ACTR3C: variants seen among roughly 807,000 people sequenced by gnomAD.
The protein encoded by ACTR3C is actin-related protein 3C.
A neutral mutation model predicts 26.3 loss-of-function variants in ACTR3C; 18 were observed. That is an observed-to-expected ratio of 0.68 (90% CI 0.47 to 1.01). The LOEUF (loss-of-function observed/expected upper bound fraction) is 1.01. Ranked by LOEUF, ACTR3C falls within the 50% of genes least tolerant of loss-of-function variation. The pLI is 0.00. For missense variants in ACTR3C, 184 were observed against 250.7 expected (o/e 0.73, Z 1.80); for synonymous variants, 55 against 94.5 (o/e 0.58, Z 2.42).
chr7:150,042,023 A>C, the ACTR3C span, among the ~76,000 whole-genome samples: 1 of 119,696 alleles, frequency 8.4e-6, no homozygotes, highest in Non-Finnish European at 1.8e-5. Context: ...GTGGGTCCTA[A>C]GGATCTTAGG....
chr7:150,140,454 G>A, the ACTR3C span, among the ~76,000 whole-genome samples: 2 of 152,194 alleles, frequency 1.3e-5, no homozygotes, highest in Non-Finnish European at 2.9e-5. Context: ...ATAGCATGAC[G>A]TGCCACAGAG....
At chr7:150,063,568 A>G in the ACTR3C span, among the ~76,000 whole-genome samples, 3 of 151,586 alleles carry the variant, frequency 2.0e-5, 1 homozygote, top group African/African-American at 4.9e-5. Context: ...TATAATTAAC[A>G]TGACTTTCAC....
At chr7:150,279,294 G>A (rs1835127891) in intron 6 of ACTR3C, among the ~76,000 whole-genome samples, 1 of 152,158 alleles carries the variant, frequency 6.6e-6, no homozygotes, top group Non-Finnish European at 1.5e-5. Flanking sequence ...AACAGAGCAA[G>A]GCTCTGTCTC....
downstream of ACTR3C, chr7:150,246,040 C>T (rs1421177004): frequency 1.3e-5 from 2 of 152,126 alleles, no homozygotes; most frequent in Non-Finnish European, 2.9e-5. Context: ...TCTTTGAATG[C>T]TTGACTGTGG....
At chr7:150,180,511 C>CTTTTTTTTT in the ACTR3C span, among the ~76,000 whole-genome samples, 1 of 125,772 alleles carries the variant, frequency 8.0e-6, no homozygotes, top group African/African-American at 3.5e-5. Flanking sequence ...AGTAGTATAT[C>CTTTTTTTTT]TTTTTTTTTT....
chr7:150,198,801 G>C, the ACTR3C span, among the ~76,000 whole-genome samples: 60 of 134,072 alleles, frequency 4.5e-4, no homozygotes, highest in Non-Finnish European at 7.0e-4. Context: ...CCGGGAGGGA[G>C]GTGGGGGGGT....
the ACTR3C span, among the ~76,000 whole-genome samples, chr7:149,940,105 A>G: frequency 1.3e-5 from 2 of 151,734 alleles, no homozygotes; most frequent in African/African-American, 4.8e-5. Flanking sequence ...TAATATAGAC[A>G]CAATTCTTCA....
chr7:150,216,348 C>G, the ACTR3C span, among the ~76,000 whole-genome samples: 1 of 152,038 alleles, frequency 6.6e-6, no homozygotes, highest in African/African-American at 2.4e-5. Flanking sequence ...ACATTATATT[C>G]CCCTTTTCCA....
At chr7:150,009,178 C>T in the ACTR3C span, among the ~76,000 whole-genome samples, 10 of 152,344 alleles carry the variant, frequency 6.6e-5, no homozygotes, top group African/African-American at 2.2e-4. Flanking sequence ...TGGTTGTTTC[C>T]GTTTCAGCCA....
At chr7:149,907,478 T>TCTCTTCTCTCTCTC in the ACTR3C span, among the ~76,000 whole-genome samples, 3 of 97,688 alleles carry the variant, frequency 3.1e-5, no homozygotes, top group South Asian at 9.2e-4. Flanking sequence ...CTCTCTTCTC[T>TCTCTTCTCTCTCTC]TCTCTCTCTC....
chr7:150,034,682 G>C, the ACTR3C span, among the ~76,000 whole-genome samples: 1 of 134,860 alleles, frequency 7.4e-6, no homozygotes, highest in Admixed American at 7.5e-5. Flanking sequence ...ACCTGCCGTC[G>C]GAAGATTTGA....
chr7:150,165,254 CTGTT>C, the ACTR3C span, among the ~76,000 whole-genome samples: 1 of 152,078 alleles, frequency 6.6e-6, no homozygotes, highest in South Asian at 2.1e-4. Flanking sequence ...ATTTTCCCCT[CTGTT>C]TGAGACATGA....
chr7:150,032,235 T>C, the ACTR3C span, among the ~76,000 whole-genome samples: 3 of 152,060 alleles, frequency 2.0e-5, no homozygotes, highest in South Asian at 6.2e-4. Context: ...TTGAGACAGG[T>C]AGATGAGGTT....
At chr7:149,990,011 G>A in the ACTR3C span, among the ~76,000 whole-genome samples, 481 of 152,158 alleles carry the variant, frequency 3.2e-3, 1 homozygote, top group Non-Finnish European at 5.5e-3. Context: ...AGCACTCGGC[G>A]TCAGTGCGTT....
At chr7:150,033,828 G>GCAC in the ACTR3C span, among the ~76,000 whole-genome samples, 6 of 151,018 alleles carry the variant, frequency 4.0e-5, no homozygotes, top group East Asian at 8.0e-4. Context: ...CTCAGTCCCT[G>GCAC]CCTCGTGGGG....
At chr7:149,899,192 C>A in the ACTR3C span, among the ~76,000 whole-genome samples, 1 of 151,846 alleles carries the variant, frequency 6.6e-6, no homozygotes, top group Admixed American at 6.6e-5. Context: ...TAGGTTTCCA[C>A]TTTAAAACTC....
the ACTR3C span, among the ~76,000 whole-genome samples, chr7:150,066,453 T>A: frequency 7.2e-5 from 11 of 152,272 alleles, no homozygotes; most frequent in Non-Finnish European, 1.5e-4. Flanking sequence ...CTAGCAGTAG[T>A]ATCTTTCTTG....
chr7:149,988,904 G>T, the ACTR3C span, among the ~76,000 whole-genome samples: 4 of 152,352 alleles, frequency 2.6e-5, no homozygotes, highest in South Asian at 2.1e-4. Context: ...AGATTTCAAA[G>T]CAACGAAAAT....
chr7:150,166,878 C>T, the ACTR3C span, among the ~76,000 whole-genome samples: 2 of 150,352 alleles, frequency 1.3e-5, no homozygotes, highest in African/African-American at 5.0e-5. Flanking sequence ...TTTTTAGCTC[C>T]TAAATATGAG....
Sources: gnomAD v4.1 joint callset for allele counts (sites outside exome capture counted in the v4.1 genomes callset) on GRCh38, gnomAD v4.1.1 for gene constraint, MANE v1.5 for transcripts, NCBI Gene and HGNC (gene_info 2026-07-23, HGNC 2026-07-21) for gene names.